Variants in EPB41L4A observed in about 807,000 individuals in gnomAD.
The protein encoded by EPB41L4A is erythrocyte membrane protein band 4.1 like 4A.
A neutral mutation model predicts 108.6 loss-of-function variants in EPB41L4A; 100 were observed. The ratio of observed to expected loss-of-function variants is 0.92; its 90% CI spans 0.78 to 1.09. The LOEUF is 1.09. EPB41L4A is among the 50% of genes least tolerant of loss of function. EPB41L4A has a pLI of 0.00. For synonymous variants in EPB41L4A, 319 were observed against 289.0 expected (o/e 1.10, Z -1.05); for missense variants, 1,030 against 842.7 (o/e 1.22, Z -2.75).
At chr5:112,160,306 C>G (rs1759811728), downstream of EPB41L4A, among the ~76,000 whole-genome samples, 1 of 152,138 alleles carries the variant, frequency 6.6e-6, no homozygotes, top group Non-Finnish European at 1.5e-5. Context: ...GCATGACCCT[C>G]TTTTGCTGCC....
At chr5:112,296,460 CT>C (rs1033923982) in intron 2 of EPB41L4A, among the ~76,000 whole-genome samples, 5 of 151,944 alleles carry the variant, frequency 3.3e-5, no homozygotes, top group Non-Finnish European at 1.5e-5. Flanking sequence ...ACTGAATGGT[CT>C]GAAAAAACAC....
intron 2 of EPB41L4A, among the ~76,000 whole-genome samples, chr5:112,302,192 C>A (rs1013568679): frequency 2.6e-5 from 4 of 152,072 alleles, no homozygotes; most frequent in Non-Finnish European, 5.9e-5. Context: ...TAAAATTACA[C>A]ACGAGTACAT....
chr5:112,288,201 G>A lies in EPB41L4A; in HGVS notation c.205-7878C>T, dbSNP rs144456708. Among the ~76,000 whole-genome samples, 39 of 152,274 alleles carry A rather than the reference G, an allele frequency of 2.6e-4. 1 individual carries two copies. In the East Asian group the frequency reaches 3.5e-3, roughly 14 times the overall value. The stretch of plus-strand genomic sequence containing the variant: ...ATCCTCTAATAATCTTAACGGCACC[G>A]TGTCCCAACAGCCTTACAGGGAATC... On this transcript the variant is annotated intron_variant, in intron 2 of 22. Transcript: ENST00000261486.
rs557349397 is a variant in EPB41L4A, at chr5:112,155,327, T to C, written n.994+3074A>G. On this transcript the variant is annotated intron_variant and non_coding_transcript_variant, in intron 12 of 13. Transcript: ENST00000507810. ...ATGATATTTACATAGAAAAAAATTA[T>C]ATTTTAGCTCCCAAAACTCAATGCA... is the stretch of plus-strand genomic sequence containing the variant. Among the ~76,000 whole-genome samples the C allele has an allele frequency of 3.3e-5, 5 of 151,964 alleles. No homozygotes were observed. The South Asian group carries it at 1.0e-3, about 32-fold the overall frequency.
intron 9 of EPB41L4A, among the ~76,000 whole-genome samples, chr5:112,257,899 G>C (rs1253090764): frequency 6.6e-6 from 1 of 152,064 alleles, no homozygotes; most frequent in Non-Finnish European, 1.5e-5. Context: ...CTCCTAATTA[G>C]CTACTCTACT....
At chr5:112,179,590 T>C (rs1761044575) in intron 18 of EPB41L4A, among the ~76,000 whole-genome samples, 1 of 152,188 alleles carries the variant, frequency 6.6e-6, no homozygotes, top group South Asian at 2.1e-4. Flanking sequence ...TCTCAACAGA[T>C]GCAGAAAAAG....
At chr5:112,299,157 T>G (rs947585877) in intron 2 of EPB41L4A, among the ~76,000 whole-genome samples, 4 of 152,224 alleles carry the variant, frequency 2.6e-5, no homozygotes, top group African/African-American at 9.6e-5. Flanking sequence ...AGTTCTGCTC[T>G]GACCTTGGTT....
At chr5:112,173,286 T>C (rs1180642512) in intron 18 of EPB41L4A, among the ~76,000 whole-genome samples, 1 of 152,108 alleles carries the variant, frequency 6.6e-6, no homozygotes, top group African/African-American at 2.4e-5. Flanking sequence ...AATTCAAAGC[T>C]GAATGCTTTC....
chr5:112,401,659 T>G (rs1372848619), intron 1 of EPB41L4A, among the ~76,000 whole-genome samples: 1 of 152,192 alleles, frequency 6.6e-6, no homozygotes, highest in Non-Finnish European at 1.5e-5. Context: ...TTATTGACTC[T>G]CACCCTTTTT....
rs758102024 is a variant in EPB41L4A, at chr5:112,262,529, G to A, written c.607C>T (p.Leu203=). The change falls in exon 7 of 23, where the codon CTG becomes TTG. Residue 203 remains leucine, a synonymous_variant. Transcript: ENST00000261486. ...TGGAGGTCAACGCCATACATCTCCA[G>A]GGATTTGGCAGTCCTCAAGTAATTC... is the stretch of plus-strand genomic sequence containing the variant. The part of the protein sequence containing the change: ...ELNYLRTAKS[L]EMYGVDLHPV... 2 of 1,614,068 alleles carry A rather than the reference G, an allele frequency of 1.2e-6. No homozygotes were observed. The highest frequency in any genetic ancestry group is 2.2e-5 in the East Asian group (1 of 44,866).
At chr5:112,204,725 TA>T (rs1762387950) in intron 14 of EPB41L4A, 1 of 376,354 alleles carries the variant, frequency 2.7e-6, no homozygotes, top group Non-Finnish European at 5.0e-6. Context: ...CCTTCAGTAG[TA>T]AAAAATGAAC....
chr5:112,263,307 C>G (rs1340941198), intron 6 of EPB41L4A: 2 of 152,092 alleles, frequency 1.3e-5, no homozygotes, highest in Non-Finnish European at 2.9e-5. Flanking sequence ...GAGGTCAAAT[C>G]TCAAAAATTA....
intron 1 of EPB41L4A, among the ~76,000 whole-genome samples, chr5:112,408,718 AGGGCCAGTAAGCACAAG>A (rs1561652623): frequency 3.3e-4 from 21 of 63,018 alleles, no homozygotes; most frequent in Admixed American, 1.5e-3. Context: ...AAAAAAAAAA[AGGGCCAGTAAGCACAAG>A]AAAAGATGCT....
In EPB41L4A at chr5:112,168,800, G is replaced by A; in HGVS notation, c.1871C>T (p.Pro624Leu). 1.2e-6 allele frequency: 2 copies of A among 1,614,004 alleles called. No individual in the cohort carries two copies. Among genetic ancestry groups the A allele is most frequent in the Non-Finnish European group, 8.5e-7 (1 of 1,179,906 alleles). ...CGAAGAACGGGTCACCGGAAGTGGTGGTACAAGATCTGTTTTTGAACTGCA... is the reference window on the plus strand; with the variant it reads ...CGAAGAACGGGTCACCGGAAGTGGTAGTACAAGATCTGTTTTTGAACTGCA... The part of the protein sequence containing the change: ...SEVNSKTDLV[P>L]PLPVTRSSDA... Residue 624 changes from proline to leucine, a missense_variant, in exon 22 of 23, where the codon CCA becomes CTA. Physicochemically the swap from Pro to Leu is moderately conservative, Grantham distance 98. Coordinates refer to ENST00000261486, the MANE Select transcript of EPB41L4A (RefSeq NM_022140.5).
At position 112,345,778 on chromosome 5, in the gene EPB41L4A, TATACACACACACACACAC is replaced by T. The variant is rs1341473176; in HGVS notation, c.100-38306_100-38289del. On this transcript the variant is annotated intron_variant, in intron 1 of 22. Transcript: ENST00000261486. ...GCATATATATATATACATATATATATATACACACACACACACACACACACACACACACACACACACACA... is the reference window on the plus strand; with the variant it reads ...GCATATATATATATACATATATATATACACACACACACACACACACACACA... 1.3e-3 allele frequency among the ~76,000 whole-genome samples: 172 copies of T among 130,782 alleles called. 1 individual carries two copies. Among genetic ancestry groups the T allele is most frequent in the African/African-American group, 3.6e-3 (125 of 34,734 alleles). The allele number at this position is 130,782 out of a possible 152,430, so 85.8% of individuals were successfully genotyped here.
Position 112,333,912 on chromosome 5 carries a change from T to C in EPB41L4A, c.100-26422A>G, listed in dbSNP as rs573824179. Among the ~76,000 whole-genome samples, 7 of 152,318 alleles carry C rather than the reference T, an allele frequency of 4.6e-5. No individual in the cohort carries two copies. In the South Asian group the frequency reaches 1.4e-3, roughly 32 times the overall value. ...TTAGATCATCTAAAGGACTGCAGTATACTATCAACAGCGTAAACCAAAAAT... is the reference window on the plus strand; with the variant it reads ...TTAGATCATCTAAAGGACTGCAGTACACTATCAACAGCGTAAACCAAAAAT... On this transcript the variant is annotated intron_variant, in intron 1 of 22. Transcript: ENST00000261486.
At chr5:112,246,874 A>G (rs1750272510) in intron 9 of EPB41L4A, among the ~76,000 whole-genome samples, 1 of 152,024 alleles carries the variant, frequency 6.6e-6, no homozygotes, top group African/African-American at 2.4e-5. Flanking sequence ...GTGCTTCTCA[A>G]CTCCCATCTT....
At chr5:112,297,794 G>C (rs1262027768) in intron 2 of EPB41L4A, among the ~76,000 whole-genome samples, 1 of 152,118 alleles carries the variant, frequency 6.6e-6, no homozygotes, top group African/African-American at 2.4e-5. Flanking sequence ...TTAAATCTAA[G>C]TCCTTGATCC....
At chr5:112,161,532 A>C, downstream of EPB41L4A, 1 of 519,064 alleles carries the variant, frequency 1.9e-6, no homozygotes, top group Non-Finnish European at 3.8e-6. Flanking sequence ...ATGTGGTGTC[A>C]AAAAAGGCGT....
Sources: allele counts gnomAD v4.1 joint callset (sites outside exome capture counted in the v4.1 genomes callset), GRCh38; gene constraint gnomAD v4.1.1; transcripts MANE v1.5; gene names NCBI Gene and HGNC (gene_info 2026-07-23, HGNC 2026-07-21).